ITPR1: variants seen among roughly 807,000 people sequenced by gnomAD.
ITPR1 encodes inositol 1,4,5-trisphosphate-gated calcium channel ITPR1.
ITPR1 carries 96 observed loss-of-function variants against 318.4 expected under a neutral mutation model. The observed-to-expected ratio is 0.30, with a 90% CI of 0.26 to 0.36. The LOEUF is 0.36. ITPR1 is among the 10% of genes least tolerant of loss of function. The pLI, the probability that ITPR1 is intolerant of heterozygous loss-of-function variation, is 1.00. For synonymous variants in ITPR1, 1,312 were observed against 1,289.9 expected (o/e 1.02, Z -0.37); for missense variants, 2,440 against 3,460.2 (o/e 0.71, Z 7.40).
At chr3:4,619,526 A>G (rs1431017160) in intron 4 of ITPR1, among the ~76,000 whole-genome samples, 1 of 117,108 alleles carries the variant, frequency 8.5e-6, no homozygotes, top group Non-Finnish European at 1.7e-5. Context: ...CCCCTTCTCC[A>G]ACTTCCATCC....
rs532555370 is a variant in ITPR1 at position 4,652,334 on chromosome 3, T to G, written c.951+116T>G. On this transcript the variant is annotated intron_variant, in intron 11 of 61. Coordinates refer to ENST00000649015, the MANE Select transcript of ITPR1 (RefSeq NM_001378452.1). ...CTTAGGGAAATACACTCAGTCACCT[T>G]GCTTTTCCTCCTGTTTTTCTGTTTC... 2.2e-5 allele frequency: 15 copies of G among 695,228 alleles called. No homozygotes were observed. In the African/African-American group the frequency reaches 2.4e-4, roughly 11 times the overall value. 43.1% of individuals were successfully genotyped at this position (695,228 alleles called of 1,614,324 possible).
intron 60 of ITPR1, among the ~76,000 whole-genome samples, chr3:4,820,685 T>C (rs1301868722): frequency 6.6e-6 from 1 of 152,228 alleles, no homozygotes; most frequent in Admixed American, 6.5e-5. Context: ...CTTCTCTGAA[T>C]GTTAAAGTTG....
chr3:4,744,179 G>C (rs949433146), intron 44 of ITPR1, among the ~76,000 whole-genome samples: 15 of 152,148 alleles, frequency 9.9e-5, no homozygotes, highest in Admixed American at 2.0e-4. Context: ...AGAACCTCAG[G>C]TTTTCCACAG....
intron 52 of ITPR1, among the ~76,000 whole-genome samples, chr3:4,791,687 C>A (rs951570129): frequency 1.3e-5 from 2 of 152,100 alleles, no homozygotes; most frequent in Non-Finnish European, 2.9e-5. Context: ...CTGAAGTGGG[C>A]AGACAACAAC....
intron 61 of ITPR1, among the ~76,000 whole-genome samples, chr3:4,841,306 G>T (rs1170474215): frequency 6.6e-6 from 1 of 152,196 alleles, no homozygotes; most frequent in Non-Finnish European, 1.5e-5. Context: ...TTGCAGTGCA[G>T]AAGGAGTTTA....
chr3:4,531,724 A>G (rs1195737110), intron 4 of ITPR1, among the ~76,000 whole-genome samples: 2 of 152,108 alleles, frequency 1.3e-5, no homozygotes, highest in East Asian at 3.9e-4. Context: ...GCCTGAAATG[A>G]TCTCCCTATC....
chr3:4,498,362 G>A (rs535044930), intron 2 of ITPR1, among the ~76,000 whole-genome samples: 2 of 152,288 alleles, frequency 1.3e-5, no homozygotes, highest in Non-Finnish European at 1.5e-5. Context: ...TGTTCCAAAT[G>A]TCAGAGCAGC....
At chr3:4,673,644 G>A (rs1051400836) in intron 21 of ITPR1, among the ~76,000 whole-genome samples, 5 of 152,104 alleles carry the variant, frequency 3.3e-5, no homozygotes, top group Middle Eastern at 3.2e-3. Context: ...CTGCAGTGGC[G>A]CAATCTCGGC....
chr3:4,571,790 G>C (rs576829508), intron 4 of ITPR1, among the ~76,000 whole-genome samples: 1 of 152,320 alleles, frequency 6.6e-6, no homozygotes, highest in South Asian at 2.1e-4. Flanking sequence ...AGGAAACCTA[G>C]AATGGGCAGG....
In ITPR1 at chr3:4,667,563, G is replaced by A. The variant is rs370584403; in HGVS notation, c.1886+14G>A. On this transcript the variant is annotated intron_variant, in intron 18 of 61. Transcript: ENST00000649015. The stretch of plus-strand genomic sequence containing the variant: ...CAGGGAGCCCAGGTGAGGCGGGAGT[G>A]GGGTCCATGCAGGATGGTGTCTCTG... The A allele has an allele frequency of 5.2e-5, 83 of 1,609,560 alleles. No homozygotes were observed. Among genetic ancestry groups the A allele is most frequent in the Non-Finnish European group, 6.6e-5 (78 of 1,177,810 alleles).
At chr3:4,675,885 C>G (rs966547827) in intron 23 of ITPR1, among the ~76,000 whole-genome samples, 2 of 151,970 alleles carry the variant, frequency 1.3e-5, no homozygotes, top group Non-Finnish European at 2.9e-5. Context: ...TTGCATTATA[C>G]CATTTAGTTC....
At chr3:4,665,541 G>A (rs1215296758) in intron 17 of ITPR1, among the ~76,000 whole-genome samples, 1 of 152,136 alleles carries the variant, frequency 6.6e-6, no homozygotes, top group African/African-American at 2.4e-5. Context: ...TTTGGAGTTG[G>A]TTTTACATTT....
chr3:4,578,184 G>C (rs2088890074), intron 4 of ITPR1, among the ~76,000 whole-genome samples: 3 of 152,204 alleles, frequency 2.0e-5, no homozygotes, highest in African/African-American at 7.2e-5. Flanking sequence ...TTGAGCTCTT[G>C]TGTAGGCATG....
In ITPR1 at chr3:4,683,815, T is replaced by C. The variant is rs1284270695; in HGVS notation, c.3498+17T>C. 1 of 1,608,926 alleles carries C rather than the reference T, an allele frequency of 6.2e-7. No homozygotes were observed. ...AAAACGGAGGTGAGTGAAACACAAGTTATGCTGCCAAAGTGGATGGATGGG... is the reference window on the plus strand; with the variant it reads ...AAAACGGAGGTGAGTGAAACACAAGCTATGCTGCCAAAGTGGATGGATGGG... On this transcript the variant is annotated intron_variant, in intron 28 of 61. Coordinates refer to ENST00000649015, the MANE Select transcript of ITPR1 (RefSeq NM_001378452.1).
chr3:4,604,744 C>G (rs1178897394), intron 4 of ITPR1, among the ~76,000 whole-genome samples: 2 of 152,072 alleles, frequency 1.3e-5, no homozygotes, highest in African/African-American at 4.8e-5. Flanking sequence ...GGACCTGTGA[C>G]TACCAGAATA....
chr3:4,795,660 G>A (rs1379143244), intron 53 of ITPR1, among the ~76,000 whole-genome samples: 1 of 151,968 alleles, frequency 6.6e-6, no homozygotes, highest in African/African-American at 2.4e-5. Context: ...TTTTGCCAGG[G>A]GTCAGAGGGG....
chr3:4,706,106 C>T lies in ITPR1; in HGVS notation c.4658-61C>T. ...CTGGATGGGGACTAGGGCATTACGT[C>T]CATCTGTAGGGTGTCCCCCATAAAA... On this transcript the variant is annotated intron_variant, in intron 36 of 61. Coordinates refer to ENST00000649015, the MANE Select transcript of ITPR1 (RefSeq NM_001378452.1). 1.9e-6 allele frequency: 3 copies of T among 1,578,468 alleles called. No individual in the cohort carries two copies. The South Asian group carries it at 3.3e-5, about 18-fold the overall frequency.
At chr3:4,842,047 A>C (rs2051383799) in intron 61 of ITPR1, among the ~76,000 whole-genome samples, 4 of 152,262 alleles carry the variant, frequency 2.6e-5, no homozygotes, top group Non-Finnish European at 5.9e-5. Flanking sequence ...AAGATGTGTT[A>C]TAAACCAGAA....
chr3:4,566,233 C>T (rs140191174), intron 4 of ITPR1, among the ~76,000 whole-genome samples: 1 of 152,322 alleles, frequency 6.6e-6, no homozygotes, highest in African/African-American at 2.4e-5. Flanking sequence ...GGGCTGTATT[C>T]ATTCCTTCCC....
Sources: gnomAD v4.1 joint callset for allele counts (sites outside exome capture counted in the v4.1 genomes callset) on GRCh38, gnomAD v4.1.1 for gene constraint, MANE v1.5 for transcripts, NCBI Gene and HGNC (gene_info 2026-07-23, HGNC 2026-07-21) for gene names.